Variants in SH3BGR observed in about 807,000 individuals in gnomAD.
SH3BGR encodes the protein SH3 domain-binding glutamic acid-rich protein.
In SH3BGR, 29 loss-of-function variants were observed where a neutral mutation model predicts 24.5. The observed-to-expected ratio is 1.18, with a 90% CI of 0.88 to 1.61. The LOEUF is 1.61. Among genes scored for constraint, SH3BGR ranks in the 40% most tolerant of loss-of-function variants. SH3BGR has a pLI of 0.00. For missense variants in SH3BGR, 162 were observed against 205.8 expected, an observed-to-expected ratio of 0.79 and a Z score of 1.30; for synonymous variants, 55 against 65.7, an observed-to-expected ratio of 0.84 and a Z score of 0.79.
At chr21:39,472,973 CTT>C (rs2077966309) in intron 2 of SH3BGR, among the ~76,000 whole-genome samples, 1 of 152,010 alleles carries the variant, frequency 6.6e-6, no homozygotes, top group Non-Finnish European at 1.5e-5. Flanking sequence ...TGGCTGGACT[CTT>C]TTATGCCAGG....
intron 4 of SH3BGR, among the ~76,000 whole-genome samples, chr21:39,507,813 G>A (rs146037211): frequency 0.014 from 2,187 of 151,996 alleles, 23 homozygotes; most frequent in Middle Eastern, 0.058. Flanking sequence ...AGATGGGGGC[G>A]TCTTGCTATG....
At chr21:39,456,044 A>T (rs1299882570) in intron 1 of SH3BGR, among the ~76,000 whole-genome samples, 1 of 152,196 alleles carries the variant, frequency 6.6e-6, no homozygotes, top group Non-Finnish European at 1.5e-5. Flanking sequence ...TGCCTTTCTA[A>T]TAGAAGAAAC....
At chr21:39,455,388 G>A (rs1331217123) in intron 1 of SH3BGR, among the ~76,000 whole-genome samples, 2 of 152,226 alleles carry the variant, frequency 1.3e-5, no homozygotes, top group East Asian at 3.8e-4. Context: ...GCCAGCATGG[G>A]CCATGGCACC....
intron 3 of SH3BGR, among the ~76,000 whole-genome samples, chr21:39,477,968 G>A (rs925471213): frequency 1.3e-5 from 2 of 152,046 alleles, no homozygotes; most frequent in African/African-American, 4.8e-5. Flanking sequence ...ATTAACATCT[G>A]CCTTTCATTG....
chr21:39,480,741 T>G (rs1055588533), intron 3 of SH3BGR, among the ~76,000 whole-genome samples: 17 of 152,342 alleles, frequency 1.1e-4, no homozygotes, highest in African/African-American at 4.1e-4. Context: ...TTTTAAAAAA[T>G]TCAGATGCCT....
chr21:39,474,587 A>G (rs949719666), intron 2 of SH3BGR, among the ~76,000 whole-genome samples: 1 of 152,156 alleles, frequency 6.6e-6, no homozygotes, highest in Non-Finnish European at 1.5e-5. Context: ...TTCATTGAGC[A>G]TCAGATTTCA....
upstream of SH3BGR, among the ~76,000 whole-genome samples, chr21:39,450,174 C>T (rs557425160): frequency 2.6e-5 from 4 of 152,192 alleles, no homozygotes; most frequent in South Asian, 2.1e-4. Flanking sequence ...AAAAATAATA[C>T]GTACTGTAGA....
intron 3 of SH3BGR, chr21:39,488,588 G>A (rs2078248247): frequency 3.8e-6 from 1 of 263,492 alleles, no homozygotes; most frequent in Non-Finnish European, 7.5e-6. Context: ...CCTAGTTTTA[G>A]GATTATGTCC....
intron 4 of SH3BGR, among the ~76,000 whole-genome samples, chr21:39,506,678 G>C (rs563057902): frequency 6.6e-6 from 1 of 152,106 alleles, no homozygotes; most frequent in Non-Finnish European, 1.5e-5. Flanking sequence ...GGGGGAACCC[G>C]CCCCCCTGAT....
chr21:39,510,922 T>TATA (rs2078678816), intron 5 of SH3BGR, among the ~76,000 whole-genome samples: 2 of 139,322 alleles, frequency 1.4e-5, no homozygotes, highest in African/African-American at 2.6e-5. Flanking sequence ...TATATATATA[T>TATA]ATATATATAT....
intron 1 of SH3BGR, among the ~76,000 whole-genome samples, chr21:39,455,039 G>A (rs1012664966): frequency 1.3e-5 from 2 of 152,190 alleles, no homozygotes; most frequent in Non-Finnish European, 2.9e-5. Context: ...TGGAAACACA[G>A]GTCGTCTCTG....
chr21:39,510,175 C>T (rs2078653914), intron 5 of SH3BGR, among the ~76,000 whole-genome samples: 1 of 127,080 alleles, frequency 7.9e-6, no homozygotes, highest in Non-Finnish European at 1.7e-5. Flanking sequence ...ATCTCCTGAC[C>T]TTGTGATCCG....
upstream of SH3BGR, among the ~76,000 whole-genome samples, chr21:39,447,818 A>G (rs375443525): frequency 1.2e-3 from 180 of 152,320 alleles, 4 homozygotes; most frequent in South Asian, 0.036. Context: ...ATCATGCCAC[A>G]TAAAAAGCAT....
chr21:39,468,938 G>A (rs1448611661), intron 2 of SH3BGR, among the ~76,000 whole-genome samples: 1 of 151,764 alleles, frequency 6.6e-6, no homozygotes, highest in African/African-American at 2.4e-5. Context: ...CTTAATGAAT[G>A]GACTGTTTAG....
At chr21:39,477,705 T>G (rs1265117767) in intron 3 of SH3BGR, among the ~76,000 whole-genome samples, 2 of 152,208 alleles carry the variant, frequency 1.3e-5, no homozygotes, top group African/African-American at 4.8e-5. Context: ...CTTCCAGATA[T>G]GAGCATTTTA....
chr21:39,463,679 C>G (rs986048094), intron 2 of SH3BGR, among the ~76,000 whole-genome samples: 2 of 152,200 alleles, frequency 1.3e-5, no homozygotes, highest in African/African-American at 4.8e-5. Context: ...CACACTCATT[C>G]ATTTACCTAT....
chr21:39,451,899 G>A (rs763330504), upstream of SH3BGR: 1 of 1,613,342 alleles, frequency 6.2e-7, no homozygotes, highest in East Asian at 2.2e-5. Context: ...ATGGAGGGAG[G>A]AGCCCAAGAT....
At chr21:39,472,680 C>T (rs1448341466) in intron 2 of SH3BGR, among the ~76,000 whole-genome samples, 1 of 152,168 alleles carries the variant, frequency 6.6e-6, no homozygotes, top group East Asian at 1.9e-4. Flanking sequence ...ATATTTTCCC[C>T]TTCACCCAGA....
intron 4 of SH3BGR, 134 bp downstream of exon 4, chr21:39,500,049 A>T (rs2123502073): frequency 1.5e-6 from 1 of 657,732 alleles, no homozygotes; most frequent in African/African-American, 1.8e-5. Context: ...GCCAGGGAGG[A>T]AGCAAGTAAT....
Sources: gnomAD v4.1 joint callset for allele counts (sites outside exome capture counted in the v4.1 genomes callset) on GRCh38, gnomAD v4.1.1 for gene constraint, MANE v1.5 for transcripts, NCBI Gene and HGNC (gene_info 2026-07-23, HGNC 2026-07-21) for gene names.